The following SND1 variants were observed in gnomAD, a reference collection of about 807,000 sequenced individuals.
SND1 encodes staphylococcal nuclease and tudor domain containing 1.
In SND1, 38 loss-of-function variants were observed where a neutral mutation model predicts 121.7. The ratio of observed to expected loss-of-function variants is 0.31; its 90% confidence interval spans 0.24 to 0.41. The LOEUF is 0.41. Among genes scored for constraint, SND1 ranks in the 10% least tolerant of loss-of-function variants. The probability of loss-of-function intolerance (pLI) is 1.00; values close to 1 mark genes in which losing one functional copy is unlikely to be tolerated. For missense variants in SND1, 868 were observed against 1,184.6 expected (o/e 0.73, Z 3.92); for synonymous variants, 401 against 447.4 (o/e 0.90, Z 1.31).
chr7:127,709,934 G>A (rs1796269492), intron 9 of SND1, among the ~76,000 whole-genome samples: 1 of 151,744 alleles, frequency 6.6e-6, no homozygotes, highest in Non-Finnish European at 1.5e-5. Context: ...ACATAAAGAA[G>A]ATAAGCATAA....
At chr7:127,676,454 A>G (rs1288783902) in intron 1 of SND1, among the ~76,000 whole-genome samples, 5 of 152,208 alleles carry the variant, frequency 3.3e-5, no homozygotes, top group African/African-American at 1.2e-4. Context: ...TTTGCGTTCA[A>G]ACTCAAGGCT....
At chr7:127,991,138 CTG>C in intron 16 of SND1, 82 bp downstream of exon 16, 6 of 958,706 alleles carry the variant, frequency 6.3e-6, no homozygotes, top group Non-Finnish European at 9.7e-6. Context: ...AGAGATCAGT[CTG>C]TTGTTTTTTC....
intron 14 of SND1, among the ~76,000 whole-genome samples, chr7:127,923,090 G>A (rs1800753500): frequency 6.6e-6 from 1 of 152,180 alleles, no homozygotes; most frequent in Non-Finnish European, 1.5e-5. Flanking sequence ...CTGGGCTGAA[G>A]CAATCCTCTT....
intron 12 of SND1, chr7:127,858,400 C>T (rs1799321700): frequency 1.6e-6 from 2 of 1,225,356 alleles, no homozygotes; most frequent in Non-Finnish European, 2.3e-6. Context: ...CCAAAAGTCC[C>T]TCCAAGAAGG....
intron 10 of SND1, among the ~76,000 whole-genome samples, chr7:127,751,409 G>A (rs1797091794): frequency 6.6e-6 from 1 of 152,184 alleles, no homozygotes; most frequent in African/African-American, 2.4e-5. Context: ...AGTATGCATT[G>A]TTTAGAATGT....
chr7:127,810,173 A>G (rs1798308809), intron 11 of SND1, among the ~76,000 whole-genome samples: 2 of 152,120 alleles, frequency 1.3e-5, no homozygotes, highest in Non-Finnish European at 2.9e-5. Flanking sequence ...CATAAGGAGT[A>G]TTTTTCCCTT....
intron 10 of SND1, among the ~76,000 whole-genome samples, chr7:127,802,701 A>C (rs1440770283): frequency 6.6e-6 from 1 of 152,194 alleles, no homozygotes; most frequent in Non-Finnish European, 1.5e-5. Context: ...TTGTATACCC[A>C]ACTGCCCATT....
rs57562959 is a variant in SND1, at chr7:127,926,720, TTTGTTGTTGTTG to T, written c.1528-2433_1528-2422del. 4.1e-4 allele frequency among the ~76,000 whole-genome samples: 58 copies of T among 142,850 alleles called. 1 individual carries two copies. The East Asian group carries it at 9.5e-3, about 23-fold the overall frequency. 93.7% of individuals were successfully genotyped at this position (142,850 alleles called of 152,430 possible). A position where few individuals can be genotyped will look rare whatever the true frequency, so the allele number is the denominator to read the frequency against. On this transcript the variant is annotated intron_variant, in intron 14 of 23. Coordinates refer to ENST00000354725, the MANE Select transcript of SND1 (RefSeq NM_014390.4). The stretch of plus-strand genomic sequence containing the variant: ...GGTGCCCACCACCACACCCGGCTAT[TTTGTTGTTGTTG>T]TTGTTGTTGTTGTTGTTGTTGTTGT...
chr7:127,828,319 A>G (rs1237918739), intron 11 of SND1, among the ~76,000 whole-genome samples: 2 of 151,780 alleles, frequency 1.3e-5, no homozygotes, highest in Non-Finnish European at 1.5e-5. Flanking sequence ...TCTATTTCCT[A>G]TACCTTCTGG....
intron 1 of SND1, among the ~76,000 whole-genome samples, chr7:127,673,113 G>A (rs1322475773): frequency 6.8e-6 from 1 of 147,954 alleles, no homozygotes; most frequent in Non-Finnish European, 1.5e-5. Context: ...TTCGGTAGGA[G>A]ATAGCTAAAC....
At chr7:127,764,050 A>C (rs957828563) in intron 10 of SND1, among the ~76,000 whole-genome samples, 1 of 145,422 alleles carries the variant, frequency 6.9e-6, no homozygotes, top group Non-Finnish European at 1.5e-5. Context: ...AAAAAAAAAA[A>C]AACAAAAAAA....
chr7:127,735,983 G>A (rs992892213), intron 10 of SND1, among the ~76,000 whole-genome samples: 2 of 152,150 alleles, frequency 1.3e-5, no homozygotes, highest in East Asian at 1.9e-4. Flanking sequence ...TCCTGGCAAT[G>A]ATCTCATGGT....
At chr7:127,933,654 A>G (rs1268047468) in intron 15 of SND1, among the ~76,000 whole-genome samples, 1 of 152,238 alleles carries the variant, frequency 6.6e-6, no homozygotes, top group Non-Finnish European at 1.5e-5. Flanking sequence ...CAAGCCCATT[A>G]TTAAGCAGAT....
intron 9 of SND1, among the ~76,000 whole-genome samples, chr7:127,709,990 T>A (rs1464146282): frequency 7.1e-6 from 1 of 140,938 alleles, no homozygotes. Flanking sequence ...TGTTTTGTAA[T>A]TTTTTTTTTT....
chr7:128,034,704 C>T (rs1792715832), intron 16 of SND1, among the ~76,000 whole-genome samples: 1 of 152,142 alleles, frequency 6.6e-6, no homozygotes, highest in Non-Finnish European at 1.5e-5. Context: ...GTGACTATGC[C>T]CAAGCTCTGT....
intron 11 of SND1, among the ~76,000 whole-genome samples, chr7:127,811,372 C>T (rs1798332194): frequency 6.6e-6 from 1 of 152,118 alleles, no homozygotes; most frequent in African/African-American, 2.4e-5. Flanking sequence ...CCATGTGCAC[C>T]AGACTTATAA....
At chr7:127,737,171 T>C (rs1169277760) in intron 10 of SND1, among the ~76,000 whole-genome samples, 1 of 152,242 alleles carries the variant, frequency 6.6e-6, no homozygotes, top group Non-Finnish European at 1.5e-5. Context: ...AGGATGATGC[T>C]GCCAGTTCAG....
At chr7:127,921,627 T>C (rs911420522) in intron 14 of SND1, among the ~76,000 whole-genome samples, 1 of 152,220 alleles carries the variant, frequency 6.6e-6, no homozygotes, top group Non-Finnish European at 1.5e-5. Flanking sequence ...CATATAATTC[T>C]GTGAGTTTTG....
chr7:127,708,353 C>T (rs1252602890), intron 9 of SND1, among the ~76,000 whole-genome samples: 1 of 150,892 alleles, frequency 6.6e-6, no homozygotes, highest in Non-Finnish European at 1.5e-5. Flanking sequence ...CTTCCTTTCT[C>T]CCTCCCTCCC....
Sources: gnomAD v4.1 joint callset for allele counts (sites outside exome capture counted in the v4.1 genomes callset) on GRCh38, gnomAD v4.1.1 for gene constraint, MANE v1.5 for transcripts, NCBI Gene and HGNC (gene_info 2026-07-23, HGNC 2026-07-21) for gene names.